AFF1: variants seen among roughly 807,000 people sequenced by gnomAD.
AFF1 encodes AF4/FMR2 family member 1.
In AFF1, 48 loss-of-function variants were observed where a neutral mutation model predicts 121.7. The ratio of observed to expected loss-of-function variants is 0.39; its 90% confidence interval spans 0.31 to 0.50. The LOEUF is 0.50. Among genes scored for constraint, AFF1 ranks in the 20% least tolerant of loss-of-function variants. AFF1 has a pLI of 0.76. For missense variants in AFF1, 1,523 were observed against 1,511.7 expected (o/e 1.01, Z -0.12); for synonymous variants, 613 against 563.0 (o/e 1.09, Z -1.26).
intron 2 of AFF1, among the ~76,000 whole-genome samples, chr4:86,988,902 A>G (rs1724494293): frequency 6.6e-6 from 1 of 152,180 alleles, no homozygotes; most frequent in African/African-American, 2.4e-5. Context: ...CAACCATCTT[A>G]TCTTTGACAA....
At chr4:87,044,535 C>A (rs1264415248) in intron 2 of AFF1, among the ~76,000 whole-genome samples, 1 of 151,992 alleles carries the variant, frequency 6.6e-6, no homozygotes, top group African/African-American at 2.4e-5. Flanking sequence ...TTGAATCATT[C>A]CAGAGATTTG....
intron 2 of AFF1, among the ~76,000 whole-genome samples, chr4:86,971,617 G>A (rs148980784): frequency 6.6e-6 from 1 of 152,290 alleles, no homozygotes; most frequent in African/African-American, 2.4e-5. Flanking sequence ...CTTATCAAAG[G>A]TCTGCTGTGT....
chr4:87,032,540 A>G (rs1729179165), intron 2 of AFF1, among the ~76,000 whole-genome samples: 3 of 152,184 alleles, frequency 2.0e-5, no homozygotes, highest in Admixed American at 2.0e-4. Context: ...TGTAATATGC[A>G]AATAAGGTTA....
intron 2 of AFF1, among the ~76,000 whole-genome samples, chr4:87,021,272 T>G (rs1033733701): frequency 3.9e-5 from 6 of 152,208 alleles, no homozygotes; most frequent in African/African-American, 1.4e-4. Flanking sequence ...TACCGTGTTC[T>G]TTGTAGATTT....
intron 2 of AFF1, among the ~76,000 whole-genome samples, chr4:86,978,011 G>A (rs1442686227): frequency 6.6e-6 from 1 of 152,024 alleles, no homozygotes; most frequent in Non-Finnish European, 1.5e-5. Context: ...AAGGAAGATG[G>A]TAAATGGTTG....
chr4:87,059,076 T>G (rs1353275407), intron 4 of AFF1, among the ~76,000 whole-genome samples: 1 of 152,202 alleles, frequency 6.6e-6, no homozygotes, highest in Non-Finnish European at 1.5e-5. Flanking sequence ...CAGGGCTCTG[T>G]CCTCAACCAT....
intron 4 of AFF1, among the ~76,000 whole-genome samples, chr4:87,075,674 T>C (rs1013284800): frequency 1.3e-5 from 2 of 152,226 alleles, no homozygotes; most frequent in East Asian, 1.9e-4. Flanking sequence ...ACTACTCTTA[T>C]AGGTGAAAAC....
rs913896807 is a variant in AFF1 at position 87,114,954 on chromosome 4, C to A, written c.2121C>A (p.His707Gln). Residue 707 changes from histidine to glutamine, a missense_variant, in exon 12 of 21, where the codon CAC (histidine) becomes CAA (glutamine). Physicochemically the swap from His to Gln is conservative, Grantham distance 24. This residue lies in a region of AFF1 where 905 missense variants were observed against 842.5 expected (regional missense o/e 1.07). Transcript: ENST00000395146. ...KDNVEDRTPE[H>Q]FALVPLTESQ... ...ATGTGGAGGACAGGACCCCTGAGCA[C>A]TTTGCTCTTGTTCCCCTGACTGAGA... 22 of 1,612,976 alleles carry A rather than the reference C, an allele frequency of 1.4e-5. No individual in the cohort carries two copies. The highest frequency in any genetic ancestry group is 1.9e-5 in the Non-Finnish European group (22 of 1,179,496).
intron 12 of AFF1, among the ~76,000 whole-genome samples, chr4:87,124,072 G>C (rs1287575767): frequency 6.6e-6 from 1 of 152,214 alleles, no homozygotes; most frequent in Non-Finnish European, 1.5e-5. Flanking sequence ...CTGCATGTCA[G>C]ACTCCTTAGA....
intron 12 of AFF1, among the ~76,000 whole-genome samples, chr4:87,120,615 A>G (rs1348083509): frequency 6.6e-6 from 1 of 152,208 alleles, no homozygotes; most frequent in East Asian, 1.9e-4. Flanking sequence ...AGAGGCGCAC[A>G]AGGTCGGCGT....
intron 2 of AFF1, among the ~76,000 whole-genome samples, chr4:86,992,747 T>C (rs561607830): frequency 2.0e-5 from 3 of 152,360 alleles, no homozygotes; most frequent in African/African-American, 7.2e-5. Flanking sequence ...TGCTATAACT[T>C]CTGTAATTTT....
intron 17 of AFF1, 61 bp downstream of exon 17, chr4:87,131,280 T>G: frequency 6.3e-7 from 1 of 1,591,164 alleles, no homozygotes; most frequent in Non-Finnish European, 8.6e-7. Flanking sequence ...CTTTATTGTT[T>G]TAATCCATTT....
At chr4:87,077,730 A>C (rs546744851) in intron 4 of AFF1, among the ~76,000 whole-genome samples, 2 of 152,362 alleles carry the variant, frequency 1.3e-5, no homozygotes, top group African/African-American at 4.8e-5. Flanking sequence ...ATGCTGGCAT[A>C]TAATGCATCT....
In AFF1 at chr4:87,094,017, C is replaced by G. The variant is rs145090243; in HGVS notation, c.1229-898C>G. On this transcript the variant is annotated intron_variant, in intron 7 of 20. Transcript: ENST00000395146. ...GATGTGTCTCATAGCCCAGCAAATACAGTCATAACTTCCCATCCTGGCCTT... is the reference window on the plus strand; with the variant it reads ...GATGTGTCTCATAGCCCAGCAAATAGAGTCATAACTTCCCATCCTGGCCTT... 1.2e-4 allele frequency among the ~76,000 whole-genome samples: 19 copies of G among 152,244 alleles called. No individual in the cohort carries two copies. In the East Asian group the frequency reaches 3.5e-3, roughly 28 times the overall value.
rs1184133224 is a variant in AFF1 at position 87,132,310 on chromosome 4, T to C, written c.3213T>C (p.Arg1071=). The stretch of plus-strand genomic sequence containing the variant: ...CCATTTTGAACATGGCGATGTTTCG[T>C]TGTAAAAAAGACATAGCAATAAAGT... The part of the protein sequence containing the change: ...CQSILNMAMF[R]CKKDIAIKYS... The change falls in exon 19 of 21, where the codon CGT becomes CGC. Residue 1071 remains arginine (R), a synonymous_variant. Transcript: ENST00000395146. 3.1e-6 allele frequency: 5 copies of C among 1,613,184 alleles called. No individual in the cohort carries two copies. Among genetic ancestry groups the C allele is most frequent in the Non-Finnish European group, 4.2e-6 (5 of 1,179,742 alleles).
At chr4:87,023,602 A>G (rs1728248015) in intron 2 of AFF1, among the ~76,000 whole-genome samples, 1 of 152,140 alleles carries the variant, frequency 6.6e-6, no homozygotes, top group Non-Finnish European at 1.5e-5. Flanking sequence ...GATAGTTTCC[A>G]GTTTACTGAT....
At chr4:87,089,900 T>A (rs1724125414) in intron 5 of AFF1, 84 bp from the exon 6 acceptor site, 1 of 1,038,916 alleles carries the variant, frequency 9.6e-7, no homozygotes, top group Non-Finnish European at 1.5e-6. Context: ...ATCAATCCAT[T>A]CTACATTAAG....
At chr4:86,989,930 A>C (rs1384764951) in intron 2 of AFF1, among the ~76,000 whole-genome samples, 4 of 152,190 alleles carry the variant, frequency 2.6e-5, no homozygotes, top group Non-Finnish European at 5.9e-5. Flanking sequence ...ACAAGGACAG[A>C]AAACCAAACA....
intron 2 of AFF1, among the ~76,000 whole-genome samples, chr4:87,035,210 C>T (rs959030704): frequency 6.6e-5 from 10 of 151,994 alleles, no homozygotes; most frequent in African/African-American, 1.7e-4. Flanking sequence ...TGAGGCAGAA[C>T]GCAGGAAGGG....
Sources: allele counts gnomAD v4.1 joint callset (sites outside exome capture counted in the v4.1 genomes callset), GRCh38; gene constraint gnomAD v4.1.1; regional missense constraint gnomAD v4.1.1; transcripts MANE v1.5; gene names NCBI Gene and HGNC (gene_info 2026-07-23, HGNC 2026-07-21).